Variants in SHLD2 observed in about 807,000 individuals in gnomAD.
The protein encoded by SHLD2 is RINN1-REV7-interacting novel NHEJ regulator 2.
In SHLD2, 30 loss-of-function variants were observed where a neutral mutation model predicts 73.2. The ratio of observed to expected loss-of-function variants is 0.41; its 90% CI spans 0.31 to 0.56. SHLD2 has a LOEUF of 0.56. Ranked by LOEUF, SHLD2 falls within the 20% of genes least tolerant of loss-of-function variation. The pLI is 0.28. For missense variants in SHLD2, 745 were observed against 1,055.9 expected (o/e 0.71, Z 4.08); for synonymous variants, 285 against 370.1 (o/e 0.77, Z 2.64).
At chr10:87,122,344 G>T (rs1025175236) in intron 2 of SHLD2, among the ~76,000 whole-genome samples, 1 of 151,990 alleles carries the variant, frequency 6.6e-6, no homozygotes, top group African/African-American at 2.4e-5. Flanking sequence ...CACAATATTG[G>T]CAAGCTAAAT....
At chr10:87,184,472 A>C (rs1286921634) in intron 8 of SHLD2, among the ~76,000 whole-genome samples, 3 of 151,550 alleles carry the variant, frequency 2.0e-5, no homozygotes, top group Non-Finnish European at 4.4e-5. Flanking sequence ...GTCTGGAATC[A>C]CTCAGGCCTC....
chr10:87,110,969 A>T (rs1397068851), intron 2 of SHLD2, among the ~76,000 whole-genome samples: 1 of 150,992 alleles, frequency 6.6e-6, no homozygotes, highest in Non-Finnish European at 1.5e-5. Context: ...TCAGTCTCCC[A>T]AGTAGCTGGG....
chr10:87,147,985 G>A (rs1845743013), intron 2 of SHLD2, among the ~76,000 whole-genome samples: 1 of 151,790 alleles, frequency 6.6e-6, no homozygotes, highest in South Asian at 2.1e-4. Flanking sequence ...AGCCTCCTGA[G>A]TAGCTGGGAT....
intron 7 of SHLD2, among the ~76,000 whole-genome samples, chr10:87,179,037 G>T (rs1251114160): frequency 1.3e-5 from 2 of 152,148 alleles, no homozygotes; most frequent in Non-Finnish European, 2.9e-5. Flanking sequence ...AAATTTGAAG[G>T]CTTAAGGCTT....
chr10:87,175,549 T>C (rs2134642893), intron 6 of SHLD2, among the ~76,000 whole-genome samples: 1 of 151,846 alleles, frequency 6.6e-6, no homozygotes, highest in African/African-American at 2.4e-5. Context: ...CCGGGAGTGG[T>C]GGCACGCACC....
intron 2 of SHLD2, among the ~76,000 whole-genome samples, chr10:87,141,282 A>G (rs1453271388): frequency 3.3e-5 from 5 of 151,984 alleles, no homozygotes; most frequent in Non-Finnish European, 4.4e-5. Context: ...TCCTTTCTCA[A>G]TAATAACACA....
At chr10:87,112,393 G>A (rs1369906704) in intron 2 of SHLD2, among the ~76,000 whole-genome samples, 4 of 152,188 alleles carry the variant, frequency 2.6e-5, no homozygotes, top group African/African-American at 9.7e-5. Flanking sequence ...GCCAGGTGTA[G>A]TGGCTCATTG....
intron 2 of SHLD2, among the ~76,000 whole-genome samples, chr10:87,144,925 C>T (rs1248718250): frequency 1.4e-5 from 2 of 143,834 alleles, no homozygotes; most frequent in Non-Finnish European, 3.0e-5. Context: ...CCACTGCTCC[C>T]GGCCTGTAAT....
chr10:87,116,232 A>G (rs1243565502), intron 2 of SHLD2, among the ~76,000 whole-genome samples: 4 of 151,850 alleles, frequency 2.6e-5, no homozygotes, highest in African/African-American at 9.7e-5. Flanking sequence ...CATTCTTTTC[A>G]GAAAGCTTTG....
At position 87,146,253 on chromosome 10, in the gene SHLD2, C is replaced by A. The variant is rs140164864; in HGVS notation, c.-5-5097C>A. Among the ~76,000 whole-genome samples the A allele has an allele frequency of 5.4e-3, 816 of 152,164 alleles. 12 individuals are homozygous for A. Among genetic ancestry groups the A allele is most frequent in the African/African-American group, 0.019 (775 of 41,524 alleles). ...GGTCCAGGACGGCTTTAAATGCAAC[C>A]CAACATGAGTTTGTAAACTTTCTTA... is the stretch of plus-strand genomic sequence containing the variant. On this transcript the variant is annotated intron_variant, in intron 2 of 9. Coordinates refer to ENST00000298786, the MANE Select transcript of SHLD2 (RefSeq NM_001330112.2).
chr10:87,184,656 C>G (rs1848505768), intron 8 of SHLD2, among the ~76,000 whole-genome samples: 1 of 152,170 alleles, frequency 6.6e-6, no homozygotes, highest in Non-Finnish European at 1.5e-5. Flanking sequence ...GCAGTCTCAT[C>G]TGCTGCCACT....
intron 8 of SHLD2, among the ~76,000 whole-genome samples, chr10:87,186,399 CAA>C (rs1303107167): frequency 6.6e-6 from 1 of 152,246 alleles, no homozygotes; most frequent in Non-Finnish European, 1.5e-5. Flanking sequence ...GGTTACAAAA[CAA>C]AGAGTGAAAG....
At chr10:87,137,524 A>G (rs1029860538) in intron 2 of SHLD2, among the ~76,000 whole-genome samples, 2 of 152,138 alleles carry the variant, frequency 1.3e-5, no homozygotes, top group Non-Finnish European at 2.9e-5. Flanking sequence ...GAGAAAAGAC[A>G]GAAAAAGTCA....
intron 2 of SHLD2, among the ~76,000 whole-genome samples, chr10:87,136,236 G>T (rs1437511113): frequency 6.6e-6 from 1 of 151,962 alleles, no homozygotes; most frequent in African/African-American, 2.4e-5. Context: ...ATGACTTTTT[G>T]ATATACCACT....
intron 2 of SHLD2, among the ~76,000 whole-genome samples, chr10:87,103,183 C>T (rs938185495): frequency 6.6e-6 from 1 of 151,928 alleles, no homozygotes; most frequent in African/African-American, 2.4e-5. Context: ...GCACTCCAGC[C>T]TGGCAACAGA....
At position 87,180,299 on chromosome 10, in the gene SHLD2, T is replaced by C. The variant is rs1848222365; in HGVS notation, c.2395T>C (p.Tyr799His). The stretch of plus-strand genomic sequence containing the variant: ...GCCATTTACTATGAAGAAAATATAT[T>C]ATAGGTAAGGCAACTAAGCAAGCCA... ...CLPFTMKKIYYRPALMTAIDG... is the reference protein window; with the variant it reads ...CLPFTMKKIYHRPALMTAIDG... Residue 799 changes from tyrosine to histidine, a missense_variant, in exon 8 of 10, where the codon TAT (tyrosine) becomes CAT (histidine). Tyr to His is a moderately conservative substitution (Grantham distance 83). Coordinates refer to ENST00000298786, the MANE Select transcript of SHLD2 (RefSeq NM_001330112.2). The C allele has an allele frequency of 6.2e-7, 1 of 1,603,286 alleles. No homozygotes were observed. The highest frequency in any genetic ancestry group is 1.7e-5 in the Admixed American group (1 of 59,004).
rs542828824 is a variant in SHLD2 at position 87,164,146 on chromosome 10, T to C, written c.1633+5991T>C. ...ATAATTTTTGTATTTTTAGTAGAGATGGGGTTTCACCATGTTGGCCAGGCT... is the reference window on the plus strand; with the variant it reads ...ATAATTTTTGTATTTTTAGTAGAGACGGGGTTTCACCATGTTGGCCAGGCT... On this transcript the variant is annotated intron_variant, in intron 4 of 9. Coordinates refer to ENST00000298786, the MANE Select transcript of SHLD2 (RefSeq NM_001330112.2). Among the ~76,000 whole-genome samples, 110 of 151,928 alleles carry C rather than the reference T, an allele frequency of 7.2e-4. 1 individual carries two copies. The highest frequency in any genetic ancestry group is 1.2e-3 in the Non-Finnish European group (81 of 67,934).
At chr10:87,173,273 C>T (rs575478659) in intron 6 of SHLD2, among the ~76,000 whole-genome samples, 7 of 152,102 alleles carry the variant, frequency 4.6e-5, no homozygotes, top group Admixed American at 6.5e-5. Flanking sequence ...GGTGATTCAC[C>T]CGCCTCAGCC....
At chr10:87,161,863 C>G (rs1846841717) in intron 4 of SHLD2, among the ~76,000 whole-genome samples, 1 of 151,710 alleles carries the variant, frequency 6.6e-6, no homozygotes, top group Non-Finnish European at 1.5e-5. Flanking sequence ...GATGTTAAAA[C>G]ATACTATAAA....
Sources: allele counts gnomAD v4.1 joint callset (sites outside exome capture counted in the v4.1 genomes callset), GRCh38; gene constraint gnomAD v4.1.1; transcripts MANE v1.5; gene names NCBI Gene and HGNC (gene_info 2026-07-23, HGNC 2026-07-21).